The following MALRD1 variants were observed in gnomAD, a reference collection of about 807,000 sequenced individuals.
The protein encoded by MALRD1 is MAM and LDL receptor class A domain containing 1.
A neutral mutation model predicts 242.1 loss-of-function variants in MALRD1; 247 were observed. The observed-to-expected ratio is 1.02, with a 90% CI of 0.92 to 1.13. MALRD1 has a LOEUF of 1.13. Ranked by LOEUF, MALRD1 falls within the 50% of genes most tolerant of loss-of-function variation. The pLI is 0.00. For missense variants in MALRD1, 2,989 were observed against 2,533.1 expected (o/e 1.18, Z -3.86); for synonymous variants, 995 against 866.6 (o/e 1.15, Z -2.60).
Position 19,692,381 on chromosome 10 carries a change from A to C in MALRD1, c.6217+20A>C. On this transcript the variant is annotated intron_variant, in intron 37 of 39. Coordinates refer to ENST00000454679, the MANE Select transcript of MALRD1 (RefSeq NM_001142308.3). ...AGAATAGTAGGTGACATTATGACTA[A>C]ATAAATGGCTTGGTTTGGGGTGGTC... The C allele has an allele frequency of 6.5e-7, 1 of 1,533,526 alleles. No individual in the cohort carries two copies. The highest frequency in any genetic ancestry group is 8.7e-7 in the Non-Finnish European group (1 of 1,145,038). 95.0% of individuals were successfully genotyped at this position (1,533,526 alleles called of 1,614,324 possible).
At chr10:19,610,029 C>T (rs1838823769) in intron 35 of MALRD1, among the ~76,000 whole-genome samples, 1 of 151,828 alleles carries the variant, frequency 6.6e-6, no homozygotes, top group African/African-American at 2.4e-5. Context: ...CAAACACAAA[C>T]ACTTCTCAGG....
intron 28 of MALRD1, among the ~76,000 whole-genome samples, chr10:19,418,692 C>G (rs1833603764): frequency 6.6e-6 from 1 of 152,128 alleles, no homozygotes; most frequent in South Asian, 2.1e-4. Flanking sequence ...AGCTTATTTT[C>G]AAAGCCACAT....
intron 33 of MALRD1, among the ~76,000 whole-genome samples, chr10:19,577,451 C>T (rs1836885104): frequency 6.6e-6 from 1 of 152,136 alleles, no homozygotes; most frequent in Non-Finnish European, 1.5e-5. Context: ...CCCTGCTTGT[C>T]AGCCTTTGGA....
intron 2 of MALRD1, among the ~76,000 whole-genome samples, chr10:19,078,904 T>C (rs1457379513): frequency 1.3e-5 from 2 of 151,748 alleles, no homozygotes; most frequent in African/African-American, 4.8e-5. Context: ...TTTTTAATTT[T>C]ATTTTTTCTT....
chr10:19,140,528 T>G (rs1489610013), intron 10 of MALRD1, among the ~76,000 whole-genome samples: 14 of 121,912 alleles, frequency 1.1e-4, no homozygotes, highest in South Asian at 2.9e-4. Flanking sequence ...ACAAGTGGGG[T>G]GTGTGTGTGT....
At chr10:19,364,733 A>C (rs1845038332) in intron 26 of MALRD1, among the ~76,000 whole-genome samples, 1 of 152,136 alleles carries the variant, frequency 6.6e-6, no homozygotes, top group African/African-American at 2.4e-5. Context: ...ATCCCAATGA[A>C]CTGAATTTGT....
intron 21 of MALRD1, among the ~76,000 whole-genome samples, chr10:19,307,892 T>A (rs1430898174): frequency 1.3e-5 from 2 of 151,566 alleles, no homozygotes; most frequent in African/African-American, 4.8e-5. Flanking sequence ...TTATCTTTTT[T>A]AAAAATTTTG....
At chr10:19,127,542 A>G (rs1341687016) in intron 7 of MALRD1, among the ~76,000 whole-genome samples, 2 of 152,194 alleles carry the variant, frequency 1.3e-5, no homozygotes, top group Middle Eastern at 3.2e-3. Context: ...ATGAAGAAGC[A>G]ATTCAGACTT....
intron 31 of MALRD1, among the ~76,000 whole-genome samples, chr10:19,506,675 T>C (rs545993220): frequency 6.6e-6 from 1 of 152,184 alleles, no homozygotes; most frequent in East Asian, 1.9e-4. Context: ...TTTCTATTGG[T>C]TAGATATGAT....
At position 19,513,607 on chromosome 10, in the gene MALRD1, C is replaced by T. The variant is rs934020268; in HGVS notation, c.5320+14961C>T. 1.6e-4 allele frequency among the ~76,000 whole-genome samples: 25 copies of T among 151,904 alleles called. 1 individual carries two copies. Among genetic ancestry groups the T allele is most frequent in the South Asian group, 4.2e-4 (2 of 4,808 alleles). ...ACAAAAAATTAGCCAGGCGTGGTAG[C>T]GGGTGCCTGTAGCCCCAGCTACTCG... On this transcript the variant is annotated intron_variant, in intron 31 of 39. Transcript: ENST00000454679.
chr10:19,171,422 T>TTATATATATATATATATA (rs1554803054), intron 13 of MALRD1, among the ~76,000 whole-genome samples: 1 of 36,276 alleles, frequency 2.8e-5, no homozygotes, highest in African/African-American at 7.9e-5. Context: ...ATTTTATATT[T>TTATATATATATATATATA]TATATACATA....
At chr10:19,310,631 T>G (rs925255341) in intron 21 of MALRD1, among the ~76,000 whole-genome samples, 4 of 151,536 alleles carry the variant, frequency 2.6e-5, no homozygotes, top group Non-Finnish European at 5.9e-5. Flanking sequence ...GGTCTTAAGA[T>G]CTTTCATTGT....
At chr10:19,409,314 G>T (rs1244671978) in intron 28 of MALRD1, among the ~76,000 whole-genome samples, 1 of 152,156 alleles carries the variant, frequency 6.6e-6, no homozygotes, top group Non-Finnish European at 1.5e-5. Flanking sequence ...GGCTGGGTGA[G>T]TGCAGTGGCT....
chr10:19,622,647 G>GAAA (rs370996237), intron 36 of MALRD1, among the ~76,000 whole-genome samples: 1 of 126,280 alleles, frequency 7.9e-6, no homozygotes, highest in East Asian at 2.3e-4. Flanking sequence ...GTAAAACACT[G>GAAA]AAAAAAAAAA....
intron 8 of MALRD1, 132 bp downstream of exon 8, chr10:19,128,519 T>C (rs1164378028): frequency 1.9e-6 from 1 of 529,784 alleles, no homozygotes; most frequent in Admixed American, 4.4e-5. Context: ...GGTATACTTT[T>C]AAAAAGAATG....
At chr10:19,190,806 C>A (rs951322620) in intron 14 of MALRD1, among the ~76,000 whole-genome samples, 2 of 151,952 alleles carry the variant, frequency 1.3e-5, no homozygotes, top group South Asian at 4.1e-4. Flanking sequence ...AAAAGTAACT[C>A]AAAATCAATC....
chr10:19,129,698 G>A lies in MALRD1; in HGVS notation c.1110+1311G>A, dbSNP rs543840817. Among the ~76,000 whole-genome samples the A allele has an allele frequency of 6.7e-4, 101 of 149,902 alleles. 3 individuals are homozygous for A. In the South Asian group the frequency reaches 0.011, roughly 16 times the overall value. On this transcript the variant is annotated intron_variant, in intron 8 of 39. Coordinates refer to ENST00000454679, the MANE Select transcript of MALRD1 (RefSeq NM_001142308.3). ...TTTTGGGAACTATCTGCCAGAAACT[G>A]GAGATGAATAAATATATTCATAATA...
At chr10:19,254,574 G>A (rs1177699883) in intron 18 of MALRD1, among the ~76,000 whole-genome samples, 7 of 151,904 alleles carry the variant, frequency 4.6e-5, no homozygotes, top group Non-Finnish European at 1.5e-5. Flanking sequence ...ATTCTCATCA[G>A]GAATGCATTG....
intron 26 of MALRD1, among the ~76,000 whole-genome samples, chr10:19,353,358 T>C (rs947254923): frequency 6.6e-6 from 1 of 152,156 alleles, no homozygotes; most frequent in African/African-American, 2.4e-5. Flanking sequence ...AAGTGCAGTT[T>C]CATTGATATT....
Sources: gnomAD v4.1 joint callset for allele counts (sites outside exome capture counted in the v4.1 genomes callset) on GRCh38, gnomAD v4.1.1 for gene constraint, MANE v1.5 for transcripts, NCBI Gene and HGNC (gene_info 2026-07-23, HGNC 2026-07-21) for gene names.